The following KCNU1 variants were observed in gnomAD, a reference collection of about 807,000 sequenced individuals.
KCNU1 encodes the protein potassium calcium-activated channel subfamily U member 1.
In KCNU1, 93 loss-of-function variants were observed where a neutral mutation model predicts 126.8. The ratio of observed to expected loss-of-function variants is 0.73; its 90% confidence interval spans 0.62 to 0.87. KCNU1 has a LOEUF of 0.87. KCNU1 is among the 40% of genes least tolerant of loss of function. KCNU1 has a pLI of 0.00. For missense variants in KCNU1, 1,330 were observed against 1,367.1 expected (o/e 0.97, Z 0.43); for synonymous variants, 523 against 494.2 (o/e 1.06, Z -0.77).
intron 19 of KCNU1, among the ~76,000 whole-genome samples, chr8:36,895,241 G>A (rs182230638): frequency 6.6e-6 from 1 of 152,032 alleles, no homozygotes; most frequent in Admixed American, 6.6e-5. Flanking sequence ...ACCACGCCCA[G>A]CTAATTTTTA....
Position 36,935,683 on chromosome 8 carries a change from C to A in KCNU1, c.3213C>A (p.Asp1071Glu). Residue 1071 changes from aspartate to glutamate, a missense_variant, in exon 27 of 27, where the codon GAC (aspartate) becomes GAA (glutamate). Physicochemically the swap from Asp to Glu is conservative, Grantham distance 45 (BLOSUM62 2). Around this residue, in one of 3 missense-constraint regions of KCNU1, gnomAD observed 1,054 missense variants for 1,053.9 expected, o/e 1.00. Coordinates refer to ENST00000399881, the MANE Select transcript of KCNU1 (RefSeq NM_001031836.3). ...KASQTTETHSDTNCPPTIDSV... is the reference protein window; with the variant it reads ...KASQTTETHSETNCPPTIDSV... ...CACAGACAACAGAGACACATTCAGA[C>A]ACAAATTGTCCTCCCACCATTGATT... The A allele has an allele frequency of 6.2e-7, 1 of 1,613,342 alleles. No individual in the cohort carries two copies. Among genetic ancestry groups the A allele is most frequent in the Non-Finnish European group, 8.5e-7 (1 of 1,179,480 alleles).
intron 22 of KCNU1, among the ~76,000 whole-genome samples, chr8:36,916,211 G>C (rs1194987382): frequency 6.8e-6 from 1 of 146,700 alleles, no homozygotes; most frequent in African/African-American, 2.5e-5. Flanking sequence ...AGGGGAGAGG[G>C]AAGGGAAGGA....
Position 36,932,968 on chromosome 8 carries a change from G to A in KCNU1, c.2980G>A (p.Gly994Arg). 1 of 1,577,186 alleles carries A rather than the reference G, an allele frequency of 6.3e-7. No individual in the cohort carries two copies. The highest frequency in any genetic ancestry group is 8.6e-7 in the Non-Finnish European group (1 of 1,159,738). The change falls in exon 26 of 27, where the codon GGA becomes AGA. Residue 994 changes from glycine (G) to arginine (R), a missense_variant. Around this residue, in one of 3 missense-constraint regions of KCNU1, gnomAD observed 1,054 missense variants for 1,053.9 expected, o/e 1.00. Transcript: ENST00000399881. ...GTTCTGTGGCTCATTAGATCTTTTT[G>A]GAATCCTGTGTGTTGGCTTATACCG... ...QLFCGSLDLF[G>R]ILCVGLYRII...
Position 36,909,551 on chromosome 8 carries a change from G to A in KCNU1, c.2331+16G>A, listed in dbSNP as rs368728853. The stretch of plus-strand genomic sequence containing the variant: ...CATTCTGCCTGTAAGTATCATATAA[G>A]GAAAAGTTAATATTTATAAGGATTT... On this transcript the variant is annotated intron_variant, in intron 21 of 26. Coordinates refer to ENST00000399881, the MANE Select transcript of KCNU1 (RefSeq NM_001031836.3). The A allele has an allele frequency of 2.2e-6, 3 of 1,393,492 alleles. No homozygotes were observed. The highest frequency in any genetic ancestry group is 1.4e-5 in the African/African-American group (1 of 69,830). 86.3% of individuals were successfully genotyped at this position (1,393,492 alleles called of 1,614,324 possible).
At chr8:36,855,270 T>C (rs1042426695) in intron 18 of KCNU1, among the ~76,000 whole-genome samples, 2 of 152,180 alleles carry the variant, frequency 1.3e-5, no homozygotes, top group African/African-American at 4.8e-5. Flanking sequence ...CTTTTATGCT[T>C]TCATTTGGTC....
chr8:36,864,040 C>T (rs1805815515), intron 18 of KCNU1, among the ~76,000 whole-genome samples: 1 of 152,078 alleles, frequency 6.6e-6, no homozygotes, highest in Admixed American at 6.6e-5. Flanking sequence ...GCAGCATCTG[C>T]AGGAAGGAGA....
At chr8:36,820,519 G>A (rs766007726) in intron 10 of KCNU1, among the ~76,000 whole-genome samples, 2 of 151,542 alleles carry the variant, frequency 1.3e-5, no homozygotes, top group Non-Finnish European at 1.5e-5. Flanking sequence ...GACAGGAAAT[G>A]TACCTAATGA....
intron 16 of KCNU1, 28 bp downstream of exon 16, chr8:36,841,031 G>A: frequency 1.6e-6 from 1 of 618,906 alleles, no homozygotes; most frequent in Non-Finnish European, 2.6e-6. Flanking sequence ...CATCTCTTCA[G>A]TTGTTTTTTT....
rs112077780 is a variant in KCNU1 at position 36,801,137 on chromosome 8, C to G, written c.316-2890C>G. Among the ~76,000 whole-genome samples the G allele has an allele frequency of 1.5e-3, 227 of 152,202 alleles. 1 individual carries two copies. The highest frequency in any genetic ancestry group is 5.2e-3 in the African/African-American group (216 of 41,534). ...CAATGAGTTTCTACATGCATGCAAT[C>G]CAGAGATGTATAGAAATTCTAGTTA... On this transcript the variant is annotated intron_variant, in intron 2 of 26. Transcript: ENST00000399881.
At chr8:36,914,839 C>T (rs1417950111) in intron 22 of KCNU1, among the ~76,000 whole-genome samples, 1 of 152,142 alleles carries the variant, frequency 6.6e-6, no homozygotes, top group African/African-American at 2.4e-5. Flanking sequence ...TTTAAATGTA[C>T]CGAAGTAATC....
chr8:36,850,677 G>A (rs1805309383), intron 18 of KCNU1, among the ~76,000 whole-genome samples: 1 of 151,988 alleles, frequency 6.6e-6, no homozygotes, highest in African/African-American at 2.4e-5. Flanking sequence ...GTCTGTTCTC[G>A]AGCTCCTAGG....
chr8:36,785,799 C>T (rs1011676387), intron 1 of KCNU1, among the ~76,000 whole-genome samples: 33 of 152,108 alleles, frequency 2.2e-4, no homozygotes, highest in African/African-American at 7.5e-4. Flanking sequence ...TTCTTCTTCT[C>T]CATTATGTTC....
intron 19 of KCNU1, among the ~76,000 whole-genome samples, chr8:36,873,151 C>T (rs1264491931): frequency 1.3e-5 from 2 of 152,138 alleles, no homozygotes; most frequent in Non-Finnish European, 2.9e-5. Context: ...GGCAAAGTGG[C>T]AGCAGAACTC....
intron 10 of KCNU1, among the ~76,000 whole-genome samples, chr8:36,820,613 A>C (rs530064147): frequency 2.0e-5 from 3 of 149,246 alleles, no homozygotes; most frequent in Non-Finnish European, 4.4e-5. Flanking sequence ...AAGAAAATTC[A>C]GAAAAAAAAA....
intron 2 of KCNU1, among the ~76,000 whole-genome samples, chr8:36,798,661 TC>T (rs774049341): frequency 7.9e-5 from 12 of 152,136 alleles, no homozygotes; most frequent in African/African-American, 2.9e-4. Context: ...TTTCTATCAA[TC>T]CCAGGTCTCC....
intron 24 of KCNU1, among the ~76,000 whole-genome samples, chr8:36,926,202 A>AG (rs1177603822): frequency 6.6e-6 from 1 of 152,194 alleles, no homozygotes; most frequent in Non-Finnish European, 1.5e-5. Flanking sequence ...AATCTGCCAA[A>AG]GGCTGCATCA....
intron 19 of KCNU1, among the ~76,000 whole-genome samples, chr8:36,900,710 A>G (rs1048279335): frequency 1.4e-4 from 21 of 152,100 alleles, no homozygotes; most frequent in Non-Finnish European, 2.9e-4. Context: ...TGATATACAA[A>G]AATCTCAGAA....
intron 19 of KCNU1, among the ~76,000 whole-genome samples, chr8:36,869,481 G>T (rs187807477): frequency 1.3e-5 from 2 of 152,086 alleles, no homozygotes; most frequent in Non-Finnish European, 2.9e-5. Flanking sequence ...TCCTCTTTAT[G>T]TTCTTTTACA....
chr8:36,894,750 A>G (rs937717764), intron 19 of KCNU1, among the ~76,000 whole-genome samples: 1 of 152,168 alleles, frequency 6.6e-6, no homozygotes, highest in Non-Finnish European at 1.5e-5. Flanking sequence ...TTAATTCAGT[A>G]TAATCTGAAG....
Sources: allele counts gnomAD v4.1 joint callset (sites outside exome capture counted in the v4.1 genomes callset), GRCh38; gene constraint gnomAD v4.1.1; regional missense constraint gnomAD v4.1.1; transcripts MANE v1.5; gene names NCBI Gene and HGNC (gene_info 2026-07-23, HGNC 2026-07-21).